The following DSCAML1 variants were observed in gnomAD, a reference collection of about 807,000 sequenced individuals.
DSCAML1 encodes DS cell adhesion molecule like 1, also known as cell adhesion molecule DSCAML1.
DSCAML1 carries 38 observed loss-of-function variants against 200.5 expected under a neutral mutation model. The ratio of observed to expected loss-of-function variants is 0.19; its 90% CI spans 0.15 to 0.25. The LOEUF is 0.25. DSCAML1 is among the 10% of genes least tolerant of loss of function. The probability of loss-of-function intolerance (pLI) is 1.00; values close to 1 mark genes in which losing one functional copy is unlikely to be tolerated. For missense variants in DSCAML1, 2,223 were observed against 2,858.8 expected (o/e 0.78, Z 5.07); for synonymous variants, 1,215 against 1,165.0 (o/e 1.04, Z -0.87).
intron 3 of DSCAML1, among the ~76,000 whole-genome samples, chr11:117,589,592 A>G (rs2051219181): frequency 6.6e-6 from 1 of 152,224 alleles, no homozygotes; most frequent in African/African-American, 2.4e-5. Context: ...TGATAATGAT[A>G]ATCGATGCTT....
At chr11:117,753,487 A>G (rs1351590628) in intron 3 of DSCAML1, among the ~76,000 whole-genome samples, 1 of 152,212 alleles carries the variant, frequency 6.6e-6, no homozygotes, top group Non-Finnish European at 1.5e-5. Flanking sequence ...TTTTCAAATG[A>G]GAAAAGGAGA....
intron 3 of DSCAML1, among the ~76,000 whole-genome samples, chr11:117,607,855 C>A (rs76808656): frequency 1.3e-5 from 2 of 152,180 alleles, no homozygotes; most frequent in Non-Finnish European, 2.9e-5. Flanking sequence ...GAGAATCAAG[C>A]GTCCTTGTCA....
At chr11:117,689,402 AC>A (rs2053458624) in intron 3 of DSCAML1, among the ~76,000 whole-genome samples, 1 of 152,236 alleles carries the variant, frequency 6.6e-6, no homozygotes, top group Non-Finnish European at 1.5e-5. Flanking sequence ...GTCTGATAAC[AC>A]AAACCTTCGG....
In DSCAML1 at chr11:117,516,729, G is replaced by A; in HGVS notation, c.1521C>T (p.Ser507=). ...CTGTGATGTTCCGCATAGCCCGGAT[G>A]CTGGGTGGGCCTGGGCAGGAGTCAG... ...QARINVRGPP[S]IRAMRNITAV... Residue 507 remains serine, a synonymous_variant, in exon 8 of 33, where the codon AGC becomes AGT. Transcript: ENST00000651296. The surrounding 1 kb of genome is among the most constrained non-coding windows in gnomAD (Gnocchi z 5.7). 1 of 1,612,904 alleles carries A rather than the reference G, an allele frequency of 6.2e-7. No individual in the cohort carries two copies. The highest frequency in any genetic ancestry group is 1.1e-5 in the South Asian group (1 of 90,954).
intron 3 of DSCAML1, among the ~76,000 whole-genome samples, chr11:117,706,850 G>A (rs1379799554): frequency 1.3e-5 from 2 of 152,138 alleles, no homozygotes; most frequent in Non-Finnish European, 2.9e-5. Flanking sequence ...TAATCTTAAG[G>A]AGTTCACGAA....
intron 14 of DSCAML1, among the ~76,000 whole-genome samples, chr11:117,477,349 AGTGT>A (rs5795087): frequency 0.11 from 15,946 of 140,000 alleles, 845 homozygotes; most frequent in Admixed American, 0.2. Context: ...TGGTTCTGAA[AGTGT>A]GTGTGTGTGT....
At chr11:117,493,269 T>C (rs1592662052) in intron 11 of DSCAML1, among the ~76,000 whole-genome samples, 1 of 151,156 alleles carries the variant, frequency 6.6e-6, no homozygotes, top group Non-Finnish European at 1.5e-5. Flanking sequence ...GGACGGGGAG[T>C]GTTCTCAAAT....
rs370660717 is a variant in DSCAML1 at position 117,758,254 on chromosome 11, C to G, written c.511+18537G>C. Among the ~76,000 whole-genome samples the G allele has an allele frequency of 8.7e-5, 13 of 149,508 alleles. No homozygotes were observed. In the East Asian group the frequency reaches 2.0e-3, roughly 23 times the overall value. On this transcript the variant is annotated intron_variant, in intron 3 of 32. Coordinates refer to ENST00000651296, the MANE Select transcript of DSCAML1 (RefSeq NM_020693.4). ...GGCGGAGGCTGTGGTGAGCCAAGAT[C>G]ACGCCACTGCACTCCAGCCTGGGCG...
chr11:117,604,194 G>A (rs2051519818), intron 3 of DSCAML1, among the ~76,000 whole-genome samples: 1 of 152,148 alleles, frequency 6.6e-6, no homozygotes. Flanking sequence ...CTGACCCATG[G>A]CAGGTGTTCT....
At chr11:117,654,277 T>C (rs1270616367) in intron 3 of DSCAML1, among the ~76,000 whole-genome samples, 1 of 152,196 alleles carries the variant, frequency 6.6e-6, no homozygotes, top group South Asian at 2.1e-4. Flanking sequence ...ACTGTAGTGA[T>C]GGTTGCACAT....
At chr11:117,754,130 G>A (rs1050206706) in intron 3 of DSCAML1, among the ~76,000 whole-genome samples, 9 of 152,140 alleles carry the variant, frequency 5.9e-5, no homozygotes, top group Non-Finnish European at 1.3e-4. Flanking sequence ...GAATGGGGAG[G>A]GGGGTAGAAA....
At chr11:117,646,571 A>G (rs11820631) in intron 3 of DSCAML1, among the ~76,000 whole-genome samples, 12,657 of 152,196 alleles carry the variant, frequency 0.083, 1,458 homozygotes, top group African/African-American at 0.25. Context: ...GCACCTGCCA[A>G]AGTGTTAACA....
chr11:117,799,092 G>A (rs1216580839), upstream of DSCAML1, among the ~76,000 whole-genome samples: 3 of 152,272 alleles, frequency 2.0e-5, no homozygotes, highest in East Asian at 1.9e-4. Context: ...CCGAGGTCAC[G>A]CAGGGAGTGA....
chr11:117,535,900 G>A (rs564251276), intron 3 of DSCAML1, among the ~76,000 whole-genome samples: 1 of 114,504 alleles, frequency 8.7e-6, no homozygotes, highest in South Asian at 3.6e-4. Context: ...TAAACTAGGG[G>A]TGGGGGGTGG....
intron 3 of DSCAML1, among the ~76,000 whole-genome samples, chr11:117,533,188 CCTCA>C (rs2050111228): frequency 6.6e-6 from 1 of 151,940 alleles, no homozygotes; most frequent in African/African-American, 2.4e-5. Context: ...CAGAATAAGC[CCTCA>C]CTAAGTGAAT....
intron 3 of DSCAML1, among the ~76,000 whole-genome samples, chr11:117,696,723 A>G (rs2053593203): frequency 6.6e-6 from 1 of 152,118 alleles, no homozygotes; most frequent in South Asian, 2.1e-4. Flanking sequence ...CCAAGCGTCT[A>G]TTTAATTGCT....
At chr11:117,558,373 G>T (rs1415354050) in intron 3 of DSCAML1, among the ~76,000 whole-genome samples, 7 of 152,190 alleles carry the variant, frequency 4.6e-5, no homozygotes, top group Admixed American at 4.6e-4. Context: ...CACCTTACTA[G>T]CCCTGAGAAG....
At chr11:117,555,173 C>T (rs527550479) in intron 3 of DSCAML1, among the ~76,000 whole-genome samples, 2 of 152,322 alleles carry the variant, frequency 1.3e-5, no homozygotes, top group African/African-American at 4.8e-5. Flanking sequence ...TCTGGGCTCC[C>T]GTAGCAACCC....
intron 3 of DSCAML1, among the ~76,000 whole-genome samples, chr11:117,625,229 G>A (rs1012773764): frequency 6.6e-6 from 1 of 151,992 alleles, no homozygotes; most frequent in East Asian, 1.9e-4. Context: ...CCGAGTAAAG[G>A]GATTTCAGGC....
Sources: gnomAD v4.1 joint callset for allele counts (sites outside exome capture counted in the v4.1 genomes callset) on GRCh38, gnomAD v4.1.1 for gene constraint, Gnocchi (gnomAD v3.1) non-coding constraint, MANE v1.5 for transcripts, NCBI Gene and HGNC (gene_info 2026-07-23, HGNC 2026-07-21) for gene names.